Variants in ITGA2 observed in about 807,000 individuals in gnomAD.
The protein encoded by ITGA2 is integrin alpha-2.
Under a neutral mutation model 146.3 loss-of-function variants are expected in ITGA2, and 101 were observed. The observed-to-expected ratio is 0.69, with a 90% CI of 0.59 to 0.81. ITGA2 has a LOEUF of 0.81. ITGA2 is among the 40% of genes least tolerant of loss of function. The pLI, the probability that ITGA2 is intolerant of heterozygous loss-of-function variation, is 0.00. For missense variants in ITGA2, 1,281 were observed against 1,402.7 expected (o/e 0.91, Z 1.39); for synonymous variants, 477 against 487.1 (o/e 0.98, Z 0.27).
chr5:53,087,646 T>C (rs1449580595), intron 28 of ITGA2, among the ~76,000 whole-genome samples: 1 of 151,820 alleles, frequency 6.6e-6, no homozygotes, highest in Non-Finnish European at 1.5e-5. Flanking sequence ...AAAAAGCTTT[T>C]ACAGAGAAAT....
At chr5:53,090,467 C>T (rs1740356575) in intron 29 of ITGA2, 52 bp from the exon 30 acceptor site, 1 of 1,525,432 alleles carries the variant, frequency 6.6e-7, no homozygotes, top group Non-Finnish European at 9.1e-7. Flanking sequence ...GTCAGAGGCA[C>T]CTTACAAAAT....
chr5:53,083,276 T>A (rs1490118839), intron 26 of ITGA2, 64 bp from the exon 27 acceptor site: 4 of 1,029,202 alleles, frequency 3.9e-6, no homozygotes, highest in Non-Finnish European at 4.6e-6. Context: ...TTTAAAATTT[T>A]AGCATTTATT....
At position 53,072,700 on chromosome 5, in the gene ITGA2, GT is replaced by G. The variant is rs1461661705; in HGVS notation, c.2429+9del. 2 of 1,602,450 alleles carry G rather than the reference GT, an allele frequency of 1.2e-6. No individual in the cohort carries two copies. Among genetic ancestry groups the G allele is most frequent in the South Asian group, 1.1e-5 (1 of 90,554 alleles). ...CCGACAAATACCAGCTGCTCAGTAA[GT>G]TTTACTTTAAAGCTTGTTGTAAAAT... On this transcript the variant is annotated splice_donor_region_variant and intron_variant, in intron 19 of 29. Coordinates refer to ENST00000296585, the MANE Select transcript of ITGA2 (RefSeq NM_002203.4).
In ITGA2 at chr5:53,073,243, C is replaced by T; in HGVS notation, c.2555C>T (p.Ala852Val). ...GATTTTTCAGAAAACTTGTTTTTTG[C>T]ATCATTCTCCCTGCCGGTATGTGAT... ...VVDFSENLFF[A>V]SFSLPVDGTE... The change falls in exon 20 of 30, where the codon GCA becomes GTA. Residue 852 changes from alanine to valine, a missense_variant. Physicochemically the swap from Ala to Val is moderately conservative, Grantham distance 64 (BLOSUM62 0). This residue lies in a region of ITGA2 where 475 missense variants were observed against 530.5 expected (regional missense o/e 0.90). Transcript: ENST00000296585. The T allele has an allele frequency of 1.9e-6, 3 of 1,612,310 alleles. No homozygotes were observed. The highest frequency in any genetic ancestry group is 2.2e-5 in the South Asian group (2 of 91,056).
intron 1 of ITGA2, among the ~76,000 whole-genome samples, chr5:53,019,931 CTTG>C (rs368276521): frequency 3.2e-4 from 48 of 151,992 alleles, no homozygotes; most frequent in African/African-American, 1.1e-3. Context: ...TTTTTAATCT[CTTG>C]TTGTGTCTAA....
rs202229603 is a variant in ITGA2, at chr5:53,074,436, G to T, written c.2623G>T (p.Ala875Ser). 1.9e-6 allele frequency: 3 copies of T among 1,612,308 alleles called. No homozygotes were observed. Among genetic ancestry groups the T allele is most frequent in the Non-Finnish European group, 2.5e-6 (3 of 1,178,926 alleles). ...GGTGGCTGCATCTCAGAAGTCTGTT[G>T]CCTGCGATGTAGGCTACCCTGCTTT... ...CQVAASQKSV[A>S]CDVGYPALKR... Residue 875 changes from alanine (A) to serine (S), a missense_variant, in exon 21 of 30, where the codon GCC becomes TCC. Ala to Ser is a moderately conservative substitution (Grantham distance 99). Coordinates refer to ENST00000296585, the MANE Select transcript of ITGA2 (RefSeq NM_002203.4).
In ITGA2 at chr5:53,051,408, A is replaced by C; in HGVS notation, c.631-3A>C. On this transcript the variant is annotated splice_polypyrimidine_tract_variant and splice_region_variant and intron_variant, in intron 6 of 29. Coordinates refer to ENST00000296585, the MANE Select transcript of ITGA2 (RefSeq NM_002203.4). Reference sequence around the variant, plus strand: ...CCATTAATAAATGTCTCCTCTGTTGAAGGTGGGGTTAATTCAGTATGCCAA... The same window carrying C: ...CCATTAATAAATGTCTCCTCTGTTGCAGGTGGGGTTAATTCAGTATGCCAA... 3 of 1,613,014 alleles carry C rather than the reference A, an allele frequency of 1.9e-6. No homozygotes were observed. In the South Asian group the frequency reaches 3.3e-5, roughly 18 times the overall value.
At chr5:53,004,988 A>C (rs1442256398) in intron 1 of ITGA2, among the ~76,000 whole-genome samples, 1 of 145,166 alleles carries the variant, frequency 6.9e-6, no homozygotes, top group African/African-American at 2.6e-5. Context: ...ACATGAAGAC[A>C]ATGCTATTGG....
chr5:53,086,326 G>C (rs1746154774), intron 27 of ITGA2, among the ~76,000 whole-genome samples: 1 of 152,126 alleles, frequency 6.6e-6, no homozygotes, highest in Non-Finnish European at 1.5e-5. Context: ...CCCAAATTAA[G>C]TATTATTTGA....
chr5:53,045,050 C>G lies in ITGA2; in HGVS notation c.345C>G (p.Leu115=). Reference sequence around the variant, plus strand: ...CTGAGATGAAAACCAACATGAGCCTCGGCTTGATCCTCACCAGGAACATGG... The same window carrying G: ...CTGAGATGAAAACCAACATGAGCCTGGGCTTGATCCTCACCAGGAACATGG... ...NVTEMKTNMS[L]GLILTRNMGT... The change falls in exon 4 of 30, where the codon CTC becomes CTG. Residue 115 remains leucine, a synonymous_variant. Transcript: ENST00000296585. The G allele has an allele frequency of 6.2e-7, 1 of 1,613,832 alleles. No individual in the cohort carries two copies. The highest frequency in any genetic ancestry group is 2.2e-5 in the East Asian group (1 of 44,868).
chr5:53,070,825 T>A (rs1745358302), intron 17 of ITGA2, among the ~76,000 whole-genome samples: 1 of 151,976 alleles, frequency 6.6e-6, no homozygotes, highest in Non-Finnish European at 1.5e-5. Flanking sequence ...TTATAAATGA[T>A]GTGAATATTT....
chr5:53,066,155 T>C (rs1745140270), intron 15 of ITGA2, among the ~76,000 whole-genome samples, 178 bp downstream of exon 15: 6 of 151,920 alleles, frequency 3.9e-5, no homozygotes, highest in Admixed American at 3.9e-4. Flanking sequence ...AAAATAGATA[T>C]ATTTGCTTAC....
chr5:53,072,812 A>G (rs979532908), intron 19 of ITGA2, 117 bp downstream of exon 19: 3 of 906,976 alleles, frequency 3.3e-6, no homozygotes, highest in Non-Finnish European at 5.1e-6. Flanking sequence ...TAACTCATAA[A>G]TACCTTTAAA....
intron 13 of ITGA2, 90 bp from the exon 14 acceptor site, chr5:53,064,822 G>A: frequency 1.6e-6 from 2 of 1,258,044 alleles, no homozygotes; most frequent in Non-Finnish European, 2.3e-6. Flanking sequence ...TGGGATTACA[G>A]GCATGAGCCA....
chr5:53,029,508 A>G (rs935945256), intron 2 of ITGA2, among the ~76,000 whole-genome samples: 1 of 152,146 alleles, frequency 6.6e-6, no homozygotes, highest in Non-Finnish European at 1.5e-5. Context: ...ATCATCACTC[A>G]AATGGTTTTC....
At chr5:53,029,230 C>G (rs138450939) in intron 2 of ITGA2, among the ~76,000 whole-genome samples, 1 of 152,142 alleles carries the variant, frequency 6.6e-6, no homozygotes, top group East Asian at 1.9e-4. Context: ...CAAGATCAAG[C>G]CACTGCACTC....
At chr5:53,051,001 T>G (rs920933880) in intron 6 of ITGA2, among the ~76,000 whole-genome samples, 2 of 152,244 alleles carry the variant, frequency 1.3e-5, no homozygotes, top group Non-Finnish European at 2.9e-5. Flanking sequence ...GATGTTACTC[T>G]TCATCTGTGA....
intron 20 of ITGA2, among the ~76,000 whole-genome samples, 180 bp from the exon 21 acceptor site, chr5:53,074,205 A>G (rs1180526902): frequency 6.6e-6 from 1 of 151,990 alleles, no homozygotes; most frequent in Non-Finnish European, 1.5e-5. Flanking sequence ...GTTAGCAATA[A>G]AAGTAGTATA....
At chr5:53,074,913 A>C in intron 21 of ITGA2, 148 bp from the exon 22 acceptor site, 1 of 649,292 alleles carries the variant, frequency 1.5e-6, no homozygotes, top group Non-Finnish European at 2.7e-6. Flanking sequence ...TGGACAAATA[A>C]AGATATTCCA....
Sources: gnomAD v4.1 joint callset for allele counts (sites outside exome capture counted in the v4.1 genomes callset) on GRCh38, gnomAD v4.1.1 for gene constraint, gnomAD v4.1.1 regional missense constraint, MANE v1.5 for transcripts, NCBI Gene and HGNC (gene_info 2026-07-23, HGNC 2026-07-21) for gene names.